Variants in MTSS1 observed in about 807,000 individuals in gnomAD.
MTSS1 encodes protein MTSS 1.
A neutral mutation model predicts 79.0 loss-of-function variants in MTSS1; 18 were observed. The observed-to-expected ratio is 0.23, with a 90% CI of 0.16 to 0.34. The LOEUF is 0.34. MTSS1 is among the 10% of genes least tolerant of loss of function. The pLI is 1.00. For synonymous variants in MTSS1, 341 were observed against 368.6 expected, an observed-to-expected ratio of 0.93 and a Z score of 0.86; for missense variants, 815 against 986.2, an observed-to-expected ratio of 0.83 and a Z score of 2.33.
intron 3 of MTSS1, among the ~76,000 whole-genome samples, chr8:124,658,733 C>T (rs1168655143): frequency 6.6e-6 from 1 of 152,162 alleles, no homozygotes. Context: ...CACTCACCAT[C>T]AACCAGAACA....
chr8:124,627,476 T>C (rs180907388), intron 3 of MTSS1, among the ~76,000 whole-genome samples: 1 of 152,366 alleles, frequency 6.6e-6, no homozygotes, highest in African/African-American at 2.4e-5. Flanking sequence ...GGAAAATATG[T>C]TGAGGCCAGG....
chr8:124,689,304 C>T (rs1224742466), intron 3 of MTSS1, among the ~76,000 whole-genome samples: 1 of 152,068 alleles, frequency 6.6e-6, no homozygotes, highest in African/African-American at 2.4e-5. Flanking sequence ...CAGACCCGTC[C>T]TAGAAAAATA....
At chr8:124,697,427 G>A (rs982477778) in intron 3 of MTSS1, among the ~76,000 whole-genome samples, 1 of 152,088 alleles carries the variant, frequency 6.6e-6, no homozygotes, top group Non-Finnish European at 1.5e-5. Flanking sequence ...GGGCGTGGTG[G>A]CACATGCCTG....
chr8:124,651,237 T>C (rs1403403869), intron 3 of MTSS1, among the ~76,000 whole-genome samples: 2 of 152,120 alleles, frequency 1.3e-5, no homozygotes, highest in Admixed American at 6.5e-5. Context: ...CATGCAACAA[T>C]GACATTTTTC....
intron 3 of MTSS1, among the ~76,000 whole-genome samples, chr8:124,658,718 G>A (rs1821443710): frequency 1.3e-5 from 2 of 152,092 alleles, no homozygotes; most frequent in Non-Finnish European, 2.9e-5. Context: ...GAGCTCCTGA[G>A]AACTCACTCA....
At chr8:124,656,259 A>G (rs1820921259) in intron 3 of MTSS1, among the ~76,000 whole-genome samples, 1 of 152,200 alleles carries the variant, frequency 6.6e-6, no homozygotes, top group Admixed American at 6.5e-5. Context: ...GGAAGAGAAA[A>G]TCAGCTATGG....
At chr8:124,650,037 T>C (rs1213163119) in intron 3 of MTSS1, among the ~76,000 whole-genome samples, 2 of 151,948 alleles carry the variant, frequency 1.3e-5, no homozygotes, top group African/African-American at 2.4e-5. Flanking sequence ...AGCCTTTTTT[T>C]TTTTTTCCCT....
intron 3 of MTSS1, among the ~76,000 whole-genome samples, chr8:124,600,620 A>C (rs74456966): frequency 0.028 from 4,330 of 152,322 alleles, 91 homozygotes; most frequent in South Asian, 0.1. Flanking sequence ...AGGCCGGAGT[A>C]AGTAAATGTG....
chr8:124,593,248 G>A (rs945378579), intron 3 of MTSS1, among the ~76,000 whole-genome samples: 2 of 152,150 alleles, frequency 1.3e-5, no homozygotes, highest in Admixed American at 6.5e-5. Context: ...CTGGGCCTTC[G>A]TTTGATTAAA....
In MTSS1 at chr8:124,727,833, C is replaced by G. The variant is rs749423965; in HGVS notation, c.72+51G>C. 62 of 1,480,618 alleles carry G rather than the reference C, an allele frequency of 4.2e-5. No homozygotes were observed. In the African/African-American group the frequency reaches 8.3e-4, roughly 20 times the overall value. The allele number at this position is 1,480,618 out of a possible 1,614,324, so 91.7% of individuals were successfully genotyped here. On this transcript the variant is annotated intron_variant, in intron 1 of 13. Transcript: ENST00000518547. The surrounding 1 kb of genome is among the most constrained non-coding windows in gnomAD (Gnocchi z 4.7). Reference sequence around the variant, plus strand: ...CCGGGGTGGAGGCGAAGCGCGGCGGCGAGGTCAGAGCGCGGCGGCCGGCGC... The same window carrying G: ...CCGGGGTGGAGGCGAAGCGCGGCGGGGAGGTCAGAGCGCGGCGGCCGGCGC...
intron 13 of MTSS1, among the ~76,000 whole-genome samples, chr8:124,554,311 C>T (rs1823110839): frequency 6.6e-6 from 1 of 152,100 alleles, no homozygotes; most frequent in South Asian, 2.1e-4. Flanking sequence ...CTGGATAGTT[C>T]TTTGTTATGG....
chr8:124,638,991 A>T (rs1817531467), intron 3 of MTSS1, among the ~76,000 whole-genome samples: 1 of 152,220 alleles, frequency 6.6e-6, no homozygotes, highest in Non-Finnish European at 1.5e-5. Context: ...CACAACAAAA[A>T]AGTAATTTTA....
At chr8:124,615,020 G>A (rs1229404205) in intron 3 of MTSS1, among the ~76,000 whole-genome samples, 1 of 152,228 alleles carries the variant, frequency 6.6e-6, no homozygotes, top group Admixed American at 6.5e-5. Flanking sequence ...GTGTATGTTG[G>A]AGGTTCCAGA....
intron 3 of MTSS1, among the ~76,000 whole-genome samples, chr8:124,604,406 C>G (rs1332552518): frequency 2.0e-5 from 3 of 151,972 alleles, no homozygotes; most frequent in African/African-American, 7.3e-5. Flanking sequence ...AGAAGAGAAA[C>G]ATTAGTCCTT....
rs1481506536 is a variant in MTSS1 at position 124,553,450 on chromosome 8, T to G, written c.1810A>C (p.Ile604Leu). The G allele has an allele frequency of 1.9e-6, 3 of 1,608,380 alleles. No individual in the cohort carries two copies. Among genetic ancestry groups the G allele is most frequent in the Non-Finnish European group, 2.6e-6 (3 of 1,176,204 alleles). Residue 604 changes from isoleucine (I) to leucine (L), a missense_variant, in exon 14 of 14, where the codon ATT becomes CTT. Around this residue, in one of 2 missense-constraint regions of MTSS1, gnomAD observed 590 missense variants for 620.8 expected, o/e 0.95. Coordinates refer to ENST00000518547, the MANE Select transcript of MTSS1 (RefSeq NM_014751.6). The surrounding 1 kb of genome is among the most constrained non-coding windows in gnomAD (Gnocchi z 6.0). ...STKPSVRRGTIGAGPIPIKTP... is the reference protein window; with the variant it reads ...STKPSVRRGTLGAGPIPIKTP... The stretch of plus-strand genomic sequence containing the variant: ...TTGATGGGGATGGGACCAGCTCCAA[T>G]GGTTCCCCGGCGGACAGAAGGCTTG...
At chr8:124,616,356 G>A (rs1477056332) in intron 3 of MTSS1, among the ~76,000 whole-genome samples, 1 of 134,094 alleles carries the variant, frequency 7.5e-6, no homozygotes, top group African/African-American at 3.0e-5. Flanking sequence ...TGTTAAGTGT[G>A]CCTGTTTCAG....
At chr8:124,567,668 A>G in intron 7 of MTSS1, 6 of 1,416,460 alleles carry the variant, frequency 4.2e-6, no homozygotes, top group Non-Finnish European at 5.5e-6. Context: ...AAGACAAGTA[A>G]GACAGGAGCT....
chr8:124,586,983 G>A (rs138707562), intron 5 of MTSS1, among the ~76,000 whole-genome samples: 1 of 152,286 alleles, frequency 6.6e-6, no homozygotes, highest in African/African-American at 2.4e-5. Flanking sequence ...CTTATAAAAG[G>A]CCTTACACAT....
At chr8:124,697,552 T>C (rs1829043359) in intron 3 of MTSS1, among the ~76,000 whole-genome samples, 2 of 151,552 alleles carry the variant, frequency 1.3e-5, no homozygotes, top group African/African-American at 4.8e-5. Flanking sequence ...CAGAGCGAGA[T>C]TCTGTCTCAA....
Sources: allele counts gnomAD v4.1 joint callset (sites outside exome capture counted in the v4.1 genomes callset), GRCh38; gene constraint gnomAD v4.1.1; regional missense constraint gnomAD v4.1.1; non-coding constraint Gnocchi (gnomAD v3.1); transcripts MANE v1.5; gene names NCBI Gene and HGNC (gene_info 2026-07-23, HGNC 2026-07-21).